The following ZNF521 variants were observed in gnomAD, a reference collection of about 807,000 sequenced individuals.
ZNF521 encodes zinc finger protein 521.
A neutral mutation model predicts 105.5 loss-of-function variants in ZNF521; 14 were observed. The ratio of observed to expected loss-of-function variants is 0.13; its 90% CI spans 0.09 to 0.21. ZNF521 has a LOEUF of 0.21. Among genes scored for constraint, ZNF521 ranks in the 10% least tolerant of loss-of-function variants. The pLI is 1.00. For synonymous variants in ZNF521, 635 were observed against 606.0 expected, an observed-to-expected ratio of 1.05 and a Z score of -0.70; for missense variants, 1,233 against 1,629.7, an observed-to-expected ratio of 0.76 and a Z score of 4.19.
intron 5 of ZNF521, among the ~76,000 whole-genome samples, chr18:25,153,827 T>C (rs2035093591): frequency 6.6e-6 from 1 of 152,176 alleles, no homozygotes; most frequent in African/African-American, 2.4e-5. Context: ...AACATGCCTT[T>C]GCACAGTTCT....
At chr18:25,084,331 A>G (rs2033573685) in intron 7 of ZNF521, among the ~76,000 whole-genome samples, 1 of 150,828 alleles carries the variant, frequency 6.6e-6, no homozygotes, top group Admixed American at 6.6e-5. Context: ...GTTGTCTTAT[A>G]CGTCCCATCC....
At chr18:25,294,848 T>C (rs1469000295) in intron 3 of ZNF521, among the ~76,000 whole-genome samples, 5 of 89,594 alleles carry the variant, frequency 5.6e-5, no homozygotes, top group Non-Finnish European at 1.0e-4. Flanking sequence ...AGCAAGATTC[T>C]GTCTCAAAAA....
intron 3 of ZNF521, among the ~76,000 whole-genome samples, chr18:25,250,613 C>A (rs186498959): frequency 1.7e-4 from 26 of 152,218 alleles, no homozygotes; most frequent in Admixed American, 1.7e-3. Context: ...CAGAAACTAG[C>A]TGCCAAATGT....
chr18:25,129,786 A>C (rs894910991), intron 5 of ZNF521, among the ~76,000 whole-genome samples: 2 of 146,938 alleles, frequency 1.4e-5, no homozygotes, highest in African/African-American at 4.8e-5. Flanking sequence ...TAATGATGAG[A>C]TAGCACTCTG....
chr18:25,266,228 A>G (rs1909241668), intron 3 of ZNF521, among the ~76,000 whole-genome samples: 1 of 152,194 alleles, frequency 6.6e-6, no homozygotes, highest in African/African-American at 2.4e-5. Flanking sequence ...TAAATGCTTG[A>G]GGGGATGGAT....
chr18:25,087,577 T>A (rs1298608974), intron 7 of ZNF521, among the ~76,000 whole-genome samples: 1 of 152,252 alleles, frequency 6.6e-6, no homozygotes, highest in Non-Finnish European at 1.5e-5. Flanking sequence ...GTTTACATAC[T>A]AATTAACAGT....
At chr18:25,246,751 A>G (rs905304408) in intron 3 of ZNF521, among the ~76,000 whole-genome samples, 7 of 152,202 alleles carry the variant, frequency 4.6e-5, no homozygotes, top group African/African-American at 1.7e-4. Context: ...TCCCCACCTA[A>G]GAGAGGATTC....
intron 4 of ZNF521, among the ~76,000 whole-genome samples, chr18:25,223,796 T>C (rs376315935): frequency 1.3e-5 from 2 of 152,074 alleles, no homozygotes; most frequent in African/African-American, 4.8e-5. Flanking sequence ...TTAATAAATG[T>C]AGGGGATTTT....
chr18:25,294,611 C>T (rs1462513945), intron 3 of ZNF521, among the ~76,000 whole-genome samples: 2 of 152,030 alleles, frequency 1.3e-5, no homozygotes, highest in Non-Finnish European at 2.9e-5. Context: ...AATCTCAGCA[C>T]TTTGGGAGGC....
chr18:25,278,142 AT>A (rs1261399826), intron 3 of ZNF521, among the ~76,000 whole-genome samples: 2 of 152,236 alleles, frequency 1.3e-5, no homozygotes, highest in East Asian at 3.8e-4. Flanking sequence ...GGCAATGCAA[AT>A]TAGTGCTCAG....
chr18:25,224,149 A>T (rs765578393), intron 4 of ZNF521, 196 bp downstream of exon 4: 1 of 605,050 alleles, frequency 1.7e-6, no homozygotes, highest in Non-Finnish European at 2.9e-6. Context: ...ATTTTGCACC[A>T]TTCAAGCCAA....
rs1279194731 is a variant in ZNF521 at position 25,212,538 on chromosome 18, A to AATATATATATAT, written c.3573+11795_3573+11806dup. ...AAAAAAAAAAAAAAAAAAAAAAAAAAATATATATATATATATATATATATA... is the reference window on the plus strand; with the variant it reads ...AAAAAAAAAAAAAAAAAAAAAAAAAAATATATATATATATATATATATATATATATATATATA... On this transcript the variant is annotated intron_variant, in intron 4 of 7. Transcript: ENST00000361524. Among the ~76,000 whole-genome samples the AATATATATATAT allele has an allele frequency of 1.5e-3, 72 of 48,120 alleles. 1 individual carries two copies. The highest frequency in any genetic ancestry group is 5.8e-3 in the African/African-American group (44 of 7,592). The allele number at this position is 48,120 out of a possible 152,430, so 31.6% of individuals were successfully genotyped here. A position where few individuals can be genotyped will look rare whatever the true frequency, so the allele number is the denominator to read the frequency against.
intron 5 of ZNF521, among the ~76,000 whole-genome samples, chr18:25,130,064 C>T (rs75011539): frequency 0.013 from 1,972 of 152,282 alleles, 18 homozygotes; most frequent in Admixed American, 0.023. Context: ...TTAGTTATAA[C>T]TGCCCAAACT....
chr18:25,344,204 TA>T (rs200619989), intron 2 of ZNF521, among the ~76,000 whole-genome samples: 14,365 of 141,224 alleles, frequency 0.1, 1,099 homozygotes, highest in East Asian at 0.4. Flanking sequence ...AGTTTTTTAT[TA>T]AAAAAAAAAA....
intron 3 of ZNF521, among the ~76,000 whole-genome samples, chr18:25,256,630 C>T (rs550095261): frequency 6.6e-6 from 1 of 151,836 alleles, no homozygotes; most frequent in East Asian, 1.9e-4. Context: ...GAAAAGAGGC[C>T]CCCTACAGGA....
At position 25,132,433 on chromosome 18, in the gene ZNF521, C is replaced by T. The variant is rs118182478; in HGVS notation, c.3659-40352G>A. On this transcript the variant is annotated intron_variant, in intron 5 of 7. Transcript: ENST00000361524. ...AAACACTGTCTTCCATTTCAGACTG[C>T]TAGTAAAGAGAAAAATAAATACTTT... is the stretch of plus-strand genomic sequence containing the variant. Among the ~76,000 whole-genome samples, 160 of 152,206 alleles carry T rather than the reference C, an allele frequency of 1.1e-3. 2 individuals are homozygous for T. The East Asian group carries it at 0.028, about 26-fold the overall frequency.
rs561506364 is a variant in ZNF521 at position 25,304,428 on chromosome 18, CA to C, written c.220+17579del. 2.6e-5 allele frequency among the ~76,000 whole-genome samples: 4 copies of C among 152,292 alleles called. No individual in the cohort carries two copies. In the East Asian group the frequency reaches 7.7e-4, roughly 29 times the overall value. ...ATGTGAAACAGATTTTTATTATTTC[CA>C]GGTTAGTAACTGACTTTACATTCGG... On this transcript the variant is annotated intron_variant, in intron 3 of 7. Transcript: ENST00000361524.
chr18:25,249,451 C>T (rs913741735), intron 3 of ZNF521, among the ~76,000 whole-genome samples: 4 of 151,398 alleles, frequency 2.6e-5, no homozygotes, highest in African/African-American at 9.7e-5. Context: ...GCCACCACGC[C>T]GGGCCTTTAC....
chr18:25,147,208 G>A (rs1469041943), intron 5 of ZNF521, among the ~76,000 whole-genome samples: 1 of 129,624 alleles, frequency 7.7e-6, no homozygotes, highest in Non-Finnish European at 1.6e-5. Context: ...TAATAATAAT[G>A]TCAACATTCA....
Sources: allele counts gnomAD v4.1 joint callset (sites outside exome capture counted in the v4.1 genomes callset), GRCh38; gene constraint gnomAD v4.1.1; transcripts MANE v1.5; gene names NCBI Gene and HGNC (gene_info 2026-07-23, HGNC 2026-07-21).